The following RAPGEF3 variants were observed in gnomAD, a reference collection of about 807,000 sequenced individuals.
RAPGEF3 encodes the protein Rap guanine nucleotide exchange factor 3, also known as 9330170P05Rik.
RAPGEF3 carries 103 observed loss-of-function variants against 129.8 expected under a neutral mutation model. The observed-to-expected ratio is 0.79, with a 90% CI of 0.68 to 0.93. The LOEUF (loss-of-function observed/expected upper bound fraction) is 0.93, where lower values mean the gene tolerates loss of function less well. Ranked by LOEUF, RAPGEF3 falls within the 40% of genes least tolerant of loss-of-function variation. The pLI is 0.00. For missense variants in RAPGEF3, 1,117 were observed against 1,207.4 expected, an observed-to-expected ratio of 0.93 and a Z score of 1.11; for synonymous variants, 436 against 482.6, an observed-to-expected ratio of 0.90 and a Z score of 1.26.
Position 47,748,057 on chromosome 12 carries a change from T to C in RAPGEF3, c.1322+17A>G. 5 of 1,569,228 alleles carry C rather than the reference T, an allele frequency of 3.2e-6. No individual in the cohort carries two copies. Among genetic ancestry groups the C allele is most frequent in the Non-Finnish European group, 2.6e-6 (3 of 1,153,648 alleles). On this transcript the variant is annotated intron_variant, in intron 13 of 27. Transcript: ENST00000449771. ...CCTATCCCCATGCACACCATCCCCC[T>C]GGAGCTGGAAGGATATTGGTGCAGA...
At chr12:47,737,986 C>A (rs757378676) in intron 27 of RAPGEF3, 36 bp downstream of exon 27, 61 of 1,531,936 alleles carry the variant, frequency 4.0e-5, no homozygotes, top group Non-Finnish European at 3.4e-5. Flanking sequence ...CCATAAGCAC[C>A]CCCTCCCTGC....
At position 47,735,449 on chromosome 12, in the gene RAPGEF3, G is replaced by A. The variant is rs1940769363; in HGVS notation, c.*2118C>T. 1 of 152,296 alleles carries A rather than the reference G, an allele frequency of 6.6e-6. No homozygotes were observed. Among genetic ancestry groups the A allele is most frequent in the East Asian group, 1.9e-4 (1 of 5,182 alleles). 9.4% of individuals were successfully genotyped at this position (152,296 alleles called of 1,614,324 possible). ...CGCTTTTGGGCCTCCTGTCCTCTGG[G>A]AGTGGCCTGGCCCCCTGGGCCGCAA... On this transcript the variant is annotated 3_prime_UTR_variant, in exon 28 of 28. Coordinates refer to ENST00000449771, the MANE Select transcript of RAPGEF3 (RefSeq NM_001098531.4).
At position 47,738,234 on chromosome 12, in the gene RAPGEF3, C is replaced by G. The variant is rs1426172833; in HGVS notation, c.2540G>C (p.Arg847Thr). 2 of 1,613,500 alleles carry G rather than the reference C, an allele frequency of 1.2e-6. No individual in the cohort carries two copies. Among genetic ancestry groups the G allele is most frequent in the Admixed American group, 1.7e-5 (1 of 60,018 alleles). The change falls in exon 26 of 28, where the codon AGA becomes ACA. Residue 847 changes from arginine to threonine, a missense_variant. By Grantham distance (71) the Arg-to-Thr change is moderately conservative. This residue lies in a region of RAPGEF3 where 643 missense variants were observed against 673.4 expected (regional missense o/e 0.95). Transcript: ENST00000449771. ...GCAGTGGTGCAGCATCCGCGCGGCT[C>G]TGGCCATCATTCTCTGCGGACAACA... Reference protein sequence around the residue: ...INFEKMRMMARAARMLHHCRS... With the variant: ...INFEKMRMMATAARMLHHCRS...
intron 2 of RAPGEF3, among the ~76,000 whole-genome samples, chr12:47,754,684 A>T: frequency 6.6e-6 from 1 of 152,222 alleles, no homozygotes; most frequent in Non-Finnish European, 1.5e-5. Flanking sequence ...TAGTAAGTTT[A>T]GTTGACTTGA....
At chr12:47,750,757 A>G (rs1477852913) in intron 6 of RAPGEF3, among the ~76,000 whole-genome samples, 2 of 152,176 alleles carry the variant, frequency 1.3e-5, no homozygotes, top group Non-Finnish European at 2.9e-5. Flanking sequence ...TCCAAAACCC[A>G]CTTGCTTTCA....
chr12:47,741,516 C>T lies in RAPGEF3; in HGVS notation c.1912G>A (p.Val638Met). The T allele has an allele frequency of 1.9e-6, 3 of 1,614,086 alleles. No homozygotes were observed. Among genetic ancestry groups the T allele is most frequent in the Non-Finnish European group, 2.5e-6 (3 of 1,179,960 alleles). ...TGCCTGGTCCCTACCAGCTCATGCA[C>T]TTCCTGTGGGTTGACAACAAAGAGA... is the stretch of plus-strand genomic sequence containing the variant. ...ERLFVVNPQEVHELIPHPDQL... is the reference protein window; with the variant it reads ...ERLFVVNPQEMHELIPHPDQL... Residue 638 changes from valine (V) to methionine (M), a missense_variant, in exon 19 of 28, where the codon GTG becomes ATG. Transcript: ENST00000449771.
rs1941454867 is a variant in RAPGEF3 at position 47,746,919 on chromosome 12, G to T, written c.1557-20C>A. The stretch of plus-strand genomic sequence containing the variant: ...TCCAACCTGCAGACAAGAGAGAAGG[G>T]AGGTGAGTGAGCCCAGGTATCCCTG... On this transcript the variant is annotated intron_variant, in intron 15 of 27. Transcript: ENST00000449771. The T allele has an allele frequency of 6.2e-7, 1 of 1,602,560 alleles. No individual in the cohort carries two copies. Among genetic ancestry groups the T allele is most frequent in the African/African-American group, 1.3e-5 (1 of 74,220 alleles).
chr12:47,743,840 A>G, intron 17 of RAPGEF3, 147 bp downstream of exon 17: 1 of 1,333,752 alleles, frequency 7.5e-7, no homozygotes, highest in Non-Finnish European at 1.1e-6. Context: ...AGATCTAGCC[A>G]GCAGCCTGGA....
rs756830911 is a variant in RAPGEF3 at position 47,741,032 on chromosome 12, G to T, written c.1932C>A (p.His644Gln). 4 of 1,612,574 alleles carry T rather than the reference G, an allele frequency of 2.5e-6. No individual in the cohort carries two copies. Among genetic ancestry groups the T allele is most frequent in the Middle Eastern group, 3.3e-4 (2 of 6,058 alleles). The part of the protein sequence containing the change: ...NPQEVHELIP[H>Q]PDQLGPTVGS... Reference sequence around the variant, plus strand: ...CCACAGTGGGCCCCAGCTGGTCAGGGTGTGGGATCTGCGGGTGGGAGAGTG... The same window carrying T: ...CCACAGTGGGCCCCAGCTGGTCAGGTTGTGGGATCTGCGGGTGGGAGAGTG... The change falls in exon 20 of 28, where the codon CAC (histidine) becomes CAA (glutamine). Residue 644 changes from histidine (H) to glutamine (Q), a missense_variant. His to Gln is a conservative substitution (Grantham distance 24). Transcript: ENST00000449771.
intron 23 of RAPGEF3, 186 bp from the exon 24 acceptor site, chr12:47,739,416 GCA>G (rs1565748548): frequency 1.4e-6 from 1 of 705,598 alleles, no homozygotes; most frequent in African/African-American, 1.7e-5. Flanking sequence ...CCTCCCATTA[GCA>G]CTGAGAAAAT....
chr12:47,758,610 C>T lies in RAPGEF3; in HGVS notation c.-54G>A, dbSNP rs1404340975. ...AGGCTCTAGCAAAAGGCTGGGGGGT[C>T]CCCAGCGACCCCCATCAGCTTTGAT... On this transcript the variant is annotated 5_prime_UTR_variant, in exon 1 of 28. Transcript: ENST00000449771. 6.2e-7 allele frequency: 1 copy of T among 1,609,690 alleles called. No homozygotes were observed. The highest frequency in any genetic ancestry group is 1.3e-5 in the African/African-American group (1 of 74,754).
intron 16 of RAPGEF3, 172 bp downstream of exon 16, chr12:47,746,687 TG>T: frequency 1.2e-6 from 1 of 826,870 alleles, no homozygotes; most frequent in Non-Finnish European, 2.1e-6. Context: ...TGGCACGGCC[TG>T]GCCCAGGGCA....
In RAPGEF3 at chr12:47,749,336, A is replaced by ATT; in HGVS notation, c.1041+53_1041+54insAA. ...TGCTCTGGTCCCTACTCCTCTCTCC[A>ATT]CATCACTTCTCTGGACGAATGGCCC... On this transcript the variant is annotated intron_variant, in intron 10 of 27. Coordinates refer to ENST00000449771, the MANE Select transcript of RAPGEF3 (RefSeq NM_001098531.4). This position sits in a 1 kb window ranked among gnomAD's most constrained non-coding sequence, Gnocchi z 4.5. The ATT allele has an allele frequency of 6.2e-7, 1 of 1,600,542 alleles. No individual in the cohort carries two copies. The highest frequency in any genetic ancestry group is 8.5e-7 in the Non-Finnish European group (1 of 1,176,266).
chr12:47,748,033 C>T lies in RAPGEF3; in HGVS notation c.1322+41G>A, dbSNP rs770354366. The T allele has an allele frequency of 1.9e-6, 3 of 1,550,908 alleles. No individual in the cohort carries two copies. In the East Asian group the frequency reaches 7.1e-5, roughly 37 times the overall value. ...TTTTCTCTCAACCCCACGCACCATCCTATCCCCATGCACACCATCCCCCTG... is the reference window on the plus strand; with the variant it reads ...TTTTCTCTCAACCCCACGCACCATCTTATCCCCATGCACACCATCCCCCTG... On this transcript the variant is annotated intron_variant, in intron 13 of 27. Transcript: ENST00000449771.
chr12:47,748,786 C>A, intron 11 of RAPGEF3, 33 bp downstream of exon 11: 1 of 1,430,996 alleles, frequency 7.0e-7, no homozygotes, highest in Non-Finnish European at 9.9e-7. Context: ...AAAGGAGGGA[C>A]AGTGTGGAGA....
At position 47,737,702 on chromosome 12, in the gene RAPGEF3, G is replaced by T. The variant is rs1267895082; in HGVS notation, c.2654-17C>A. ...GCTCCGAGCCTGGTGGAGGAGAGTA[G>T]TCAGGGAGGCACTGATGCCCCTTTG... On this transcript the variant is annotated splice_polypyrimidine_tract_variant and intron_variant, in intron 27 of 27. Coordinates refer to ENST00000449771, the MANE Select transcript of RAPGEF3 (RefSeq NM_001098531.4). 1 of 1,607,914 alleles carries T rather than the reference G, an allele frequency of 6.2e-7. No homozygotes were observed. Among genetic ancestry groups the T allele is most frequent in the Admixed American group, 1.7e-5 (1 of 59,982 alleles).
intron 18 of RAPGEF3, among the ~76,000 whole-genome samples, chr12:47,743,142 CTA>C (rs1291457052): frequency 1.3e-5 from 2 of 152,238 alleles, no homozygotes; most frequent in Non-Finnish European, 2.9e-5. Context: ...TTATGTATCA[CTA>C]TGTGCCGGGC....
chr12:47,748,660 G>T, intron 11 of RAPGEF3, 118 bp from the exon 12 acceptor site: 1 of 1,072,324 alleles, frequency 9.3e-7, no homozygotes, highest in Admixed American at 2.0e-5. Context: ...TCCCACCTTA[G>T]GGCAGGGAGG....
Position 47,740,616 on chromosome 12 carries a change from G to A in RAPGEF3, c.2231+26C>T, listed in dbSNP as rs202036318. ...AGGTAGCCGGGGGGACTCTGGCCAC[G>A]CCCTACCCACTGGACAGGGACTCAC... On this transcript the variant is annotated intron_variant, in intron 21 of 27. Transcript: ENST00000449771. 483 of 1,611,264 alleles carry A rather than the reference G, an allele frequency of 3.0e-4. 4 individuals are homozygous for A. The African/African-American group carries it at 5.2e-3, about 17-fold the overall frequency.
Sources: gnomAD v4.1 joint callset for allele counts (sites outside exome capture counted in the v4.1 genomes callset) on GRCh38, gnomAD v4.1.1 for gene constraint, gnomAD v4.1.1 regional missense constraint, Gnocchi (gnomAD v3.1) non-coding constraint, MANE v1.5 for transcripts, NCBI Gene and HGNC (gene_info 2026-07-23, HGNC 2026-07-21) for gene names.